Variants in MED12L observed in about 807,000 individuals in gnomAD.
The protein encoded by MED12L is mediator of RNA polymerase II transcription subunit 12-like protein.
Under a neutral mutation model 281.3 loss-of-function variants are expected in MED12L, and 60 were observed. The ratio of observed to expected loss-of-function variants is 0.21; its 90% CI spans 0.17 to 0.26. The LOEUF is 0.26. Among genes scored for constraint, MED12L ranks in the 10% least tolerant of loss-of-function variants. MED12L has a pLI of 1.00. For missense variants in MED12L, 2,146 were observed against 2,680.9 expected, an observed-to-expected ratio of 0.80 and a Z score of 4.41; for synonymous variants, 974 against 987.2, an observed-to-expected ratio of 0.99 and a Z score of 0.25.
At chr3:151,342,454 C>T (rs1216140693) in intron 16 of MED12L, among the ~76,000 whole-genome samples, 1 of 152,198 alleles carries the variant, frequency 6.6e-6, no homozygotes, top group African/African-American at 2.4e-5. Flanking sequence ...AGCAGCTCTG[C>T]ATCACTTGGG....
chr3:151,420,004 C>T (rs2108416138), intron 43 of MED12L, among the ~76,000 whole-genome samples: 1 of 152,310 alleles, frequency 6.6e-6, no homozygotes, highest in South Asian at 2.1e-4. Flanking sequence ...TTCTGCTACC[C>T]ATTCTGTATT....
In MED12L at chr3:151,395,311, A is replaced by G. The variant is rs576552954; in HGVS notation, c.5820+444A>G. Among the ~76,000 whole-genome samples the G allele has an allele frequency of 2.3e-4, 35 of 152,296 alleles. 1 individual carries two copies. Among genetic ancestry groups the G allele is most frequent in the Middle Eastern group, 6.8e-3 (2 of 294 alleles). On this transcript the variant is annotated intron_variant, in intron 39 of 44. Coordinates refer to ENST00000687756, the MANE Select transcript of MED12L (RefSeq NM_001393769.1). ...TGATGTTTCCTAGGTTTTCTCTGAT[A>G]GTGCCCTGCCTTTAATTTTTGTTTC...
chr3:151,212,977 C>A, intron 16 of MED12L: 2 of 160,234 alleles, frequency 1.2e-5, no homozygotes, highest in Admixed American at 6.5e-5. Context: ...GTTTTATTTA[C>A]TATTTAAATT....
chr3:151,207,836 C>G (rs1221003), intron 16 of MED12L, among the ~76,000 whole-genome samples: 124,486 of 152,154 alleles, frequency 0.82, 51,053 homozygotes, highest in African/African-American at 0.87. Context: ...AGAGAGGGAG[C>G]AGAGGAGACT....
intron 16 of MED12L, among the ~76,000 whole-genome samples, chr3:151,263,409 T>A (rs899269502): frequency 2.6e-5 from 4 of 152,200 alleles, no homozygotes; most frequent in African/African-American, 9.6e-5. Flanking sequence ...GTTCACAATT[T>A]GCTATCATAG....
chr3:151,127,782 C>A (rs759539567), intron 4 of MED12L, 43 bp from the exon 5 acceptor site: 3 of 1,403,100 alleles, frequency 2.1e-6, no homozygotes, highest in Non-Finnish European at 3.0e-6. Context: ...GTGATGAACA[C>A]AGTACGTGAT....
intron 11 of MED12L, among the ~76,000 whole-genome samples, chr3:151,179,165 C>A (rs1280578543): frequency 6.6e-6 from 1 of 152,050 alleles, no homozygotes; most frequent in Non-Finnish European, 1.5e-5. Flanking sequence ...CATGGTGAAA[C>A]CCCATCTCTA....
At chr3:151,281,821 G>A (rs991606204) in intron 16 of MED12L, among the ~76,000 whole-genome samples, 8 of 152,092 alleles carry the variant, frequency 5.3e-5, no homozygotes, top group African/African-American at 1.9e-4. Flanking sequence ...TTAGTAATAG[G>A]ACTGGTTATA....
intron 16 of MED12L, among the ~76,000 whole-genome samples, chr3:151,307,237 A>G (rs980829829): frequency 2.0e-5 from 3 of 152,228 alleles, no homozygotes; most frequent in African/African-American, 7.2e-5. Context: ...TGCTAAGATT[A>G]TAGCTCTGCT....
intron 5 of MED12L, among the ~76,000 whole-genome samples, chr3:151,141,178 G>GTTTTTTTTTTTTTTTTTTTTTT (rs370095367): frequency 2.4e-4 from 25 of 102,216 alleles, no homozygotes; most frequent in African/African-American, 8.5e-4. Flanking sequence ...TTTTTTTTTT[G>GTTTTTTTTTTTTTTTTTTTTTT]TTTTTTTTGT....
At chr3:151,412,339 C>A (rs1717026337) in intron 41 of MED12L, among the ~76,000 whole-genome samples, 1 of 152,166 alleles carries the variant, frequency 6.6e-6, no homozygotes, top group South Asian at 2.1e-4. Context: ...TTCACTGAGA[C>A]CCCAAAATTA....
intron 16 of MED12L, chr3:151,329,032 A>G: frequency 6.8e-7 from 1 of 1,476,872 alleles, no homozygotes; most frequent in Admixed American, 2.4e-5. Flanking sequence ...CATATATACA[A>G]ACAAAAGAAA....
intron 21 of MED12L, among the ~76,000 whole-genome samples, chr3:151,360,997 A>G (rs1226358982): frequency 6.6e-6 from 1 of 152,152 alleles, no homozygotes; most frequent in Non-Finnish European, 1.5e-5. Flanking sequence ...TTAAAATTCA[A>G]TTTGGATTAT....
intron 21 of MED12L, among the ~76,000 whole-genome samples, chr3:151,361,532 GTA>G (rs1202053751): frequency 6.6e-6 from 1 of 152,098 alleles, no homozygotes; most frequent in Non-Finnish European, 1.5e-5. Flanking sequence ...AATGATAGTA[GTA>G]TTTGATTCCT....
intron 16 of MED12L, among the ~76,000 whole-genome samples, chr3:151,264,508 C>T (rs567578875): frequency 3.9e-5 from 6 of 152,324 alleles, no homozygotes; most frequent in African/African-American, 9.6e-5. Context: ...TTGTGTAAAG[C>T]GCACATCTCT....
intron 21 of MED12L, among the ~76,000 whole-genome samples, chr3:151,361,060 A>G (rs1037602897): frequency 1.3e-5 from 2 of 151,978 alleles, no homozygotes; most frequent in Admixed American, 6.6e-5. Context: ...CTTTATTTGT[A>G]TCCCTCTTGA....
chr3:151,435,083 C>CAAATGCA lies in MED12L; in HGVS notation c.*2279_*2280insAAATGCA, dbSNP rs1719979553. On this transcript the variant is annotated 3_prime_UTR_variant, in exon 45 of 45. Coordinates refer to ENST00000687756, the MANE Select transcript of MED12L (RefSeq NM_001393769.1). ...GTTTCTTTTTTTTTTTTTTTTTTTT[C>CAAATGCA]TTTTCTTGCAAATGCATTCTTTTGC... 9.7e-6 allele frequency: 1 copy of CAAATGCA among 102,672 alleles called. No individual in the cohort carries two copies. The highest frequency in any genetic ancestry group is 4.6e-5 in the African/African-American group (1 of 21,538). The allele number at this position is 102,672 out of a possible 1,614,324, so 6.4% of individuals were successfully genotyped here. A position where few individuals can be genotyped will look rare whatever the true frequency, so the allele number is the denominator to read the frequency against.
At chr3:151,197,625 A>G (rs1356949370) in intron 16 of MED12L, among the ~76,000 whole-genome samples, 2 of 152,190 alleles carry the variant, frequency 1.3e-5, no homozygotes, top group Non-Finnish European at 2.9e-5. Context: ...TTGATGTGCT[A>G]TCGATGTGAT....
chr3:151,157,399 G>A (rs369713194), intron 6 of MED12L, among the ~76,000 whole-genome samples: 12 of 152,098 alleles, frequency 7.9e-5, no homozygotes, highest in African/African-American at 2.7e-4. Context: ...AGAAACAAGG[G>A]CATGGGTATA....
Sources: allele counts gnomAD v4.1 joint callset (sites outside exome capture counted in the v4.1 genomes callset), GRCh38; gene constraint gnomAD v4.1.1; transcripts MANE v1.5; gene names NCBI Gene and HGNC (gene_info 2026-07-23, HGNC 2026-07-21).